Variants in AKT3 observed in about 807,000 individuals in gnomAD.
The protein encoded by AKT3 is AKT serine/threonine kinase 3.
A neutral mutation model predicts 65.3 loss-of-function variants in AKT3; 15 were observed. The ratio of observed to expected loss-of-function variants is 0.23; its 90% CI spans 0.15 to 0.35. The LOEUF is 0.35. Among genes scored for constraint, AKT3 ranks in the 10% least tolerant of loss-of-function variants. AKT3 has a pLI of 1.00. For missense variants in AKT3, 243 were observed against 576.5 expected, an observed-to-expected ratio of 0.42 and a Z score of 5.92; for synonymous variants, 206 against 183.8, an observed-to-expected ratio of 1.12 and a Z score of -0.98.
chr1:243,772,901 G>A (rs1690281018), intron 2 of AKT3, among the ~76,000 whole-genome samples: 3 of 151,860 alleles, frequency 2.0e-5, no homozygotes, highest in East Asian at 1.9e-4. Context: ...CATGGATGAA[G>A]CTGGAAACCA....
chr1:243,844,315 T>C (rs1695415897), intron 1 of AKT3, among the ~76,000 whole-genome samples: 1 of 152,134 alleles, frequency 6.6e-6, no homozygotes, highest in Admixed American at 6.5e-5. Flanking sequence ...ACCCAGGCTG[T>C]CTGACTCCAG....
downstream of AKT3, among the ~76,000 whole-genome samples, chr1:243,495,898 G>A (rs572465883): frequency 2.7e-4 from 41 of 152,236 alleles, no homozygotes; most frequent in African/African-American, 9.1e-4. Context: ...GGAGAGCCTC[G>A]CATGGGAGAG....
intron 12 of AKT3, among the ~76,000 whole-genome samples, chr1:243,540,700 C>G (rs1251024211): frequency 1.3e-5 from 2 of 152,110 alleles, no homozygotes; most frequent in Non-Finnish European, 2.9e-5. Context: ...CCTGCCTAGT[C>G]CAGGACCCAA....
chr1:243,554,446 A>G (rs1450453675), intron 10 of AKT3, among the ~76,000 whole-genome samples: 1 of 152,218 alleles, frequency 6.6e-6, no homozygotes, highest in Non-Finnish European at 1.5e-5. Flanking sequence ...TCATCAGCGC[A>G]AAGAATGTCA....
At chr1:243,675,016 T>A (rs1018120250) in intron 3 of AKT3, among the ~76,000 whole-genome samples, 8 of 152,160 alleles carry the variant, frequency 5.3e-5, no homozygotes, top group Admixed American at 4.6e-4. Flanking sequence ...TATTTCCATC[T>A]TTATGTCCAT....
chr1:243,705,825 C>G (rs1685763849), intron 2 of AKT3, among the ~76,000 whole-genome samples: 1 of 152,082 alleles, frequency 6.6e-6, no homozygotes, highest in Admixed American at 6.6e-5. Context: ...ACATCTGCAC[C>G]CTTGTAGGCT....
intron 12 of AKT3, among the ~76,000 whole-genome samples, chr1:243,528,748 G>C (rs1671326305): frequency 6.6e-6 from 1 of 152,168 alleles, no homozygotes. Flanking sequence ...TTGATCCCAT[G>C]TCTTTGCTAT....
At chr1:243,593,759 T>G (rs1037941874) in intron 8 of AKT3, among the ~76,000 whole-genome samples, 5 of 152,162 alleles carry the variant, frequency 3.3e-5, no homozygotes, top group African/African-American at 1.2e-4. Flanking sequence ...CAATGTCCAC[T>G]GATGGTAAAA....
chr1:243,758,794 A>C (rs1689303733), intron 2 of AKT3, among the ~76,000 whole-genome samples: 2 of 152,120 alleles, frequency 1.3e-5, no homozygotes, highest in South Asian at 2.1e-4. Flanking sequence ...CAGGAGGCGG[A>C]GCTTAGGTGG....
intron 6 of AKT3, among the ~76,000 whole-genome samples, chr1:243,635,360 T>C (rs1479452937): frequency 6.6e-6 from 1 of 151,594 alleles, no homozygotes; most frequent in Non-Finnish European, 1.5e-5. Context: ...TCTAACTTTA[T>C]AACTTAAGGA....
At chr1:243,513,872 C>T (rs1254196571) in intron 12 of AKT3, among the ~76,000 whole-genome samples, 3 of 152,244 alleles carry the variant, frequency 2.0e-5, no homozygotes, top group Admixed American at 2.0e-4. Context: ...CTGCTGGATC[C>T]CCTGGACATG....
chr1:243,577,146 A>C (rs892245084), intron 8 of AKT3, among the ~76,000 whole-genome samples: 8 of 152,118 alleles, frequency 5.3e-5, no homozygotes, highest in Non-Finnish European at 1.2e-4. Context: ...CTATTGATTG[A>C]TTGCTTGATT....
At chr1:243,710,967 G>C (rs1044081120) in intron 2 of AKT3, among the ~76,000 whole-genome samples, 1 of 152,126 alleles carries the variant, frequency 6.6e-6, no homozygotes, top group Non-Finnish European at 1.5e-5. Flanking sequence ...GAAAAGTTCA[G>C]CTCCAAAATA....
chr1:243,681,362 G>A (rs954195150), intron 3 of AKT3, among the ~76,000 whole-genome samples: 3 of 151,980 alleles, frequency 2.0e-5, no homozygotes, highest in Non-Finnish European at 1.5e-5. Flanking sequence ...CTGCTGATAG[G>A]CAAACCACTG....
chr1:243,621,383 T>G (rs547251641), intron 6 of AKT3, among the ~76,000 whole-genome samples: 1 of 152,278 alleles, frequency 6.6e-6, no homozygotes, highest in South Asian at 2.1e-4. Context: ...CCTAATCTCT[T>G]CATCTTCCTC....
At chr1:243,617,016 T>C (rs1678377169) in intron 6 of AKT3, among the ~76,000 whole-genome samples, 2 of 152,166 alleles carry the variant, frequency 1.3e-5, no homozygotes, top group Admixed American at 1.3e-4. Context: ...CTGATTTCCA[T>C]ATACACTGTG....
chr1:243,848,651 ATGCT>A (rs1261087931), intron 1 of AKT3, among the ~76,000 whole-genome samples: 1 of 152,232 alleles, frequency 6.6e-6, no homozygotes, highest in Non-Finnish European at 1.5e-5. Context: ...ATATATGACC[ATGCT>A]TTACCAAATA....
At chr1:243,771,466 A>G (rs996777099) in intron 2 of AKT3, among the ~76,000 whole-genome samples, 1 of 152,178 alleles carries the variant, frequency 6.6e-6, no homozygotes, top group Non-Finnish European at 1.5e-5. Flanking sequence ...CATCTATTCT[A>G]AAGTGTTGAT....
intron 2 of AKT3, among the ~76,000 whole-genome samples, chr1:243,799,393 T>G (rs1269983244): frequency 6.6e-6 from 1 of 152,194 alleles, no homozygotes; most frequent in African/African-American, 2.4e-5. Context: ...TACATTTAAA[T>G]TCTGAGAACT....
Sources: gnomAD v4.1 joint callset for allele counts (sites outside exome capture counted in the v4.1 genomes callset) on GRCh38, gnomAD v4.1.1 for gene constraint, MANE v1.5 for transcripts, NCBI Gene and HGNC (gene_info 2026-07-23, HGNC 2026-07-21) for gene names.